DCDC2: variants seen among roughly 807,000 people sequenced by gnomAD.
DCDC2 encodes the protein doublecortin domain-containing protein 2.
A neutral mutation model predicts 50.2 loss-of-function variants in DCDC2; 40 were observed. The ratio of observed to expected loss-of-function variants is 0.80; its 90% CI spans 0.62 to 1.04. DCDC2 has a LOEUF of 1.04. Among genes scored for constraint, DCDC2 ranks in the 50% least tolerant of loss-of-function variants. The pLI is 0.00. For missense variants in DCDC2, 570 were observed against 581.9 expected (o/e 0.98, Z 0.21); for synonymous variants, 234 against 210.6 (o/e 1.11, Z -0.96).
intron 7 of DCDC2, among the ~76,000 whole-genome samples, chr6:24,265,279 A>G (rs371454092): frequency 2.0e-5 from 3 of 152,180 alleles, no homozygotes; most frequent in Non-Finnish European, 4.4e-5. Context: ...TAAAAAGCAA[A>G]TATTATTAAA....
At chr6:24,311,408 A>G (rs532621649) in intron 2 of DCDC2, among the ~76,000 whole-genome samples, 28 of 152,320 alleles carry the variant, frequency 1.8e-4, no homozygotes, top group African/African-American at 6.0e-4. Flanking sequence ...AAAACCTATT[A>G]TTGGTGCTTT....
At chr6:24,326,858 C>CA (rs550208684) in intron 2 of DCDC2, among the ~76,000 whole-genome samples, 8,013 of 94,660 alleles carry the variant, frequency 0.085, 514 homozygotes, top group Middle Eastern at 0.12. Context: ...GACCCTGTCT[C>CA]AAAAAAAAAA....
chr6:24,377,666 T>C, the DCDC2 span, among the ~76,000 whole-genome samples: 1 of 152,174 alleles, frequency 6.6e-6, no homozygotes, highest in African/African-American at 2.4e-5. Flanking sequence ...TCCTTATCCA[T>C]AAAACTGGCA....
intron 8 of DCDC2, among the ~76,000 whole-genome samples, chr6:24,188,043 T>C (rs1002158549): frequency 6.6e-6 from 1 of 152,194 alleles, no homozygotes; most frequent in Non-Finnish European, 1.5e-5. Context: ...CAAAGACATA[T>C]TTATGTTAAA....
intron 7 of DCDC2, among the ~76,000 whole-genome samples, chr6:24,255,210 G>A (rs1159973872): frequency 6.6e-6 from 1 of 151,922 alleles, no homozygotes; most frequent in Non-Finnish European, 1.5e-5. Context: ...CAATGCAGAG[G>A]GAGTATTGTG....
At chr6:24,371,507 C>T in the DCDC2 span, among the ~76,000 whole-genome samples, 3 of 151,972 alleles carry the variant, frequency 2.0e-5, no homozygotes, top group East Asian at 1.9e-4. Flanking sequence ...ACTTGGGAAG[C>T]TGAGGTGGGA....
intron 7 of DCDC2, among the ~76,000 whole-genome samples, chr6:24,220,903 CGAGA>C (rs1160821635): frequency 3.2e-5 from 4 of 126,214 alleles, no homozygotes; most frequent in African/African-American, 8.0e-5. Context: ...AGCGAGCGAG[CGAGA>C]GAGTGAGCGA....
chr6:24,260,213 G>A (rs1350524470), intron 7 of DCDC2, among the ~76,000 whole-genome samples: 16 of 152,158 alleles, frequency 1.1e-4, no homozygotes, highest in East Asian at 9.7e-4. Flanking sequence ...GGGAGGGGGA[G>A]GACACAAAGC....
At chr6:24,211,797 C>A (rs1469979384) in intron 7 of DCDC2, among the ~76,000 whole-genome samples, 1 of 152,096 alleles carries the variant, frequency 6.6e-6, no homozygotes, top group Non-Finnish European at 1.5e-5. Context: ...CCAGTAAGGC[C>A]CATTTTGGAA....
intron 7 of DCDC2, among the ~76,000 whole-genome samples, chr6:24,225,299 G>A (rs984814518): frequency 6.6e-6 from 1 of 152,154 alleles, no homozygotes. Context: ...TAACTCCTGA[G>A]CACCTGCAAC....
At chr6:24,359,966 C>T (rs1760636648), upstream of DCDC2, among the ~76,000 whole-genome samples, 1 of 152,156 alleles carries the variant, frequency 6.6e-6, no homozygotes, top group African/African-American at 2.4e-5. Flanking sequence ...TACCTACCGA[C>T]ACTCGCGTGC....
chr6:24,258,282 T>C (rs376611863), intron 7 of DCDC2, among the ~76,000 whole-genome samples: 1 of 150,530 alleles, frequency 6.6e-6, no homozygotes, highest in Non-Finnish European at 1.5e-5. Flanking sequence ...GGGCGGGGGG[T>C]GGCCAGCTTT....
chr6:24,263,614 T>C (rs1763056615), intron 7 of DCDC2, among the ~76,000 whole-genome samples: 1 of 151,974 alleles, frequency 6.6e-6, no homozygotes, highest in Non-Finnish European at 1.5e-5. Flanking sequence ...AGTCGCTCAA[T>C]AGCAGAAATG....
At chr6:24,181,065 G>A (rs1003638429) in intron 8 of DCDC2, among the ~76,000 whole-genome samples, 2 of 152,098 alleles carry the variant, frequency 1.3e-5, no homozygotes, top group East Asian at 1.9e-4. Flanking sequence ...AAAAGACACC[G>A]TGAGCCTAGG....
At chr6:24,375,276 C>T in the DCDC2 span, among the ~76,000 whole-genome samples, 1 of 152,084 alleles carries the variant, frequency 6.6e-6, no homozygotes, top group Non-Finnish European at 1.5e-5. Flanking sequence ...ACAGTGGCTT[C>T]GGGATGCGGC....
At position 24,207,518 on chromosome 6, in the gene DCDC2, T is replaced by C. The variant is rs1044399776; in HGVS notation, c.923-2416A>G. Among the ~76,000 whole-genome samples the C allele has an allele frequency of 2.6e-5, 4 of 152,124 alleles. No individual in the cohort carries two copies. In the East Asian group the frequency reaches 7.7e-4, roughly 29 times the overall value. On this transcript the variant is annotated intron_variant, in intron 7 of 9. Transcript: ENST00000378454. ...TAATGAATAGATACTATTCATCTGATTGATGGGTAAATATGCACTAAGATC... is the reference window on the plus strand; with the variant it reads ...TAATGAATAGATACTATTCATCTGACTGATGGGTAAATATGCACTAAGATC...
At chr6:24,233,313 CTATTCATAT>C (rs1762375966) in intron 7 of DCDC2, among the ~76,000 whole-genome samples, 1 of 152,206 alleles carries the variant, frequency 6.6e-6, no homozygotes, top group African/African-American at 2.4e-5. Flanking sequence ...TGGCCTCTAT[CTATTCATAT>C]TATGTGGCGT....
intron 2 of DCDC2, among the ~76,000 whole-genome samples, chr6:24,336,548 C>CT (rs1324402768): frequency 6.6e-6 from 1 of 152,128 alleles, no homozygotes; most frequent in Non-Finnish European, 1.5e-5. Context: ...CAAACATTCA[C>CT]TCTATGATTA....
At chr6:24,248,037 T>C (rs1349117025) in intron 7 of DCDC2, among the ~76,000 whole-genome samples, 5 of 152,002 alleles carry the variant, frequency 3.3e-5, no homozygotes, top group Admixed American at 2.0e-4. Flanking sequence ...GATTGCACCA[T>C]TGCACTCCAG....
Sources: gnomAD v4.1 joint callset for allele counts (sites outside exome capture counted in the v4.1 genomes callset) on GRCh38, gnomAD v4.1.1 for gene constraint, MANE v1.5 for transcripts, NCBI Gene and HGNC (gene_info 2026-07-23, HGNC 2026-07-21) for gene names.